GALNT17: variants seen among roughly 807,000 people sequenced by gnomAD.
GALNT17 encodes the protein polypeptide N-acetylgalactosaminyltransferase 17.
Under a neutral mutation model 63.7 loss-of-function variants are expected in GALNT17, and 29 were observed. The observed-to-expected ratio is 0.46, with a 90% confidence interval of 0.34 to 0.62. GALNT17 has a LOEUF of 0.62. Among genes scored for constraint, GALNT17 ranks in the 20% least tolerant of loss-of-function variants. GALNT17 has a pLI of 0.01. For missense variants in GALNT17, 603 were observed against 799.6 expected, an observed-to-expected ratio of 0.75 and a Z score of 2.97; for synonymous variants, 305 against 318.3, an observed-to-expected ratio of 0.96 and a Z score of 0.45.
chr7:71,359,754 T>C (rs1457136254), intron 2 of GALNT17, among the ~76,000 whole-genome samples: 2 of 152,102 alleles, frequency 1.3e-5, no homozygotes, highest in African/African-American at 4.8e-5. Flanking sequence ...CGGCTAATTT[T>C]TGTGCTTTTA....
intron 1 of GALNT17, among the ~76,000 whole-genome samples, chr7:71,235,777 G>A (rs1041019956): frequency 1.3e-5 from 2 of 152,142 alleles, no homozygotes; most frequent in African/African-American, 4.8e-5. Flanking sequence ...GAGGAAGGGG[G>A]TGCCCTTCTC....
intron 5 of GALNT17, among the ~76,000 whole-genome samples, chr7:71,505,283 T>G (rs1013316693): frequency 6.6e-6 from 1 of 152,062 alleles, no homozygotes; most frequent in Non-Finnish European, 1.5e-5. Flanking sequence ...TGCCAGTGAA[T>G]TACTTCTCAT....
chr7:71,522,242 C>T (rs566835284), intron 5 of GALNT17, among the ~76,000 whole-genome samples: 3 of 152,284 alleles, frequency 2.0e-5, no homozygotes, highest in East Asian at 1.9e-4. Flanking sequence ...CCCTCTTGAG[C>T]ATGGTTGGCC....
chr7:71,545,915 C>T (rs1788975746), intron 5 of GALNT17, among the ~76,000 whole-genome samples: 4 of 152,154 alleles, frequency 2.6e-5, no homozygotes, highest in Admixed American at 2.6e-4. Context: ...TCTGAGGCTA[C>T]TGTGCATGTA....
intron 5 of GALNT17, among the ~76,000 whole-genome samples, chr7:71,539,762 G>A (rs1019645022): frequency 3.7e-5 from 5 of 135,974 alleles, no homozygotes; most frequent in African/African-American, 5.8e-5. Context: ...TTGCCTGGGC[G>A]CATGATCACA....
At chr7:71,470,298 C>A (rs115897435) in intron 5 of GALNT17, among the ~76,000 whole-genome samples, 4 of 152,092 alleles carry the variant, frequency 2.6e-5, no homozygotes, top group African/African-American at 9.7e-5. Context: ...GTAAGAGACA[C>A]AATGTGTCTT....
chr7:71,675,404 G>A (rs1266033305), intron 8 of GALNT17, among the ~76,000 whole-genome samples: 1 of 152,124 alleles, frequency 6.6e-6, no homozygotes, highest in Non-Finnish European at 1.5e-5. Flanking sequence ...TAAAAGCCTG[G>A]CAGCCTCAAA....
At chr7:71,479,498 AT>A (rs1460761139) in intron 5 of GALNT17, among the ~76,000 whole-genome samples, 1 of 152,168 alleles carries the variant, frequency 6.6e-6, no homozygotes, top group Non-Finnish European at 1.5e-5. Flanking sequence ...AGGCAAGATA[AT>A]TTGTGGGCAA....
chr7:71,483,337 G>A (rs1291970861), intron 5 of GALNT17, among the ~76,000 whole-genome samples: 1 of 152,078 alleles, frequency 6.6e-6, no homozygotes, highest in Non-Finnish European at 1.5e-5. Context: ...TGGCGTGGTG[G>A]CAGGTGCCTG....
At chr7:71,259,643 T>TTG (rs1479836600) in intron 1 of GALNT17, among the ~76,000 whole-genome samples, 4 of 146,944 alleles carry the variant, frequency 2.7e-5, no homozygotes, top group African/African-American at 1.0e-4. Flanking sequence ...TTTTTGTTTT[T>TTG]TTGTTTTTTT....
chr7:71,590,645 G>T (rs1789783786), intron 6 of GALNT17, among the ~76,000 whole-genome samples: 1 of 152,256 alleles, frequency 6.6e-6, no homozygotes, highest in Admixed American at 6.5e-5. Flanking sequence ...GACTCAACCT[G>T]CCCCTATTCT....
chr7:71,634,753 CAAAAAAAAAA>C (rs35015537), intron 6 of GALNT17, among the ~76,000 whole-genome samples: 2 of 110,222 alleles, frequency 1.8e-5, no homozygotes, highest in Non-Finnish European at 3.8e-5. Flanking sequence ...GACTCCATCT[CAAAAAAAAAA>C]AAAAAGAAAA....
intron 3 of GALNT17, among the ~76,000 whole-genome samples, chr7:71,394,312 T>A (rs1414119740): frequency 6.6e-6 from 1 of 152,118 alleles, no homozygotes; most frequent in Non-Finnish European, 1.5e-5. Context: ...TCCATAAGAA[T>A]GGCACCAAGC....
At chr7:71,665,141 T>G (rs1790964878) in intron 6 of GALNT17, among the ~76,000 whole-genome samples, 1 of 152,132 alleles carries the variant, frequency 6.6e-6, no homozygotes, top group Non-Finnish European at 1.5e-5. Context: ...CATGCCTGGC[T>G]AACTTTTCTA....
At chr7:71,388,184 T>C in intron 2 of GALNT17, 51 bp from the exon 3 acceptor site, 5 of 1,569,970 alleles carry the variant, frequency 3.2e-6, no homozygotes, top group Non-Finnish European at 4.4e-6. Context: ...CTGCAGTGCC[T>C]GAGCTTTTAT....
At chr7:71,696,187 A>G (rs949153389) in intron 9 of GALNT17, among the ~76,000 whole-genome samples, 1 of 152,126 alleles carries the variant, frequency 6.6e-6, no homozygotes, top group Non-Finnish European at 1.5e-5. Context: ...GTCATAGTTC[A>G]CTGCAGCCTT....
intron 6 of GALNT17, among the ~76,000 whole-genome samples, chr7:71,589,502 T>C (rs1241577226): frequency 6.6e-6 from 1 of 151,884 alleles, no homozygotes; most frequent in African/African-American, 2.4e-5. Flanking sequence ...AGCCCATGAG[T>C]TTGAAGCTGC....
At chr7:71,447,974 C>T (rs1583961846) in intron 5 of GALNT17, among the ~76,000 whole-genome samples, 1 of 152,248 alleles carries the variant, frequency 6.6e-6, no homozygotes, top group East Asian at 1.9e-4. Context: ...TTCTGTGTCC[C>T]GGATCTCATG....
At chr7:71,489,322 A>T (rs972262481) in intron 5 of GALNT17, among the ~76,000 whole-genome samples, 8 of 152,064 alleles carry the variant, frequency 5.3e-5, no homozygotes, top group African/African-American at 1.7e-4. Flanking sequence ...CTTCATTCAC[A>T]CCCAGCTCTT....
Sources: allele counts gnomAD v4.1 joint callset (sites outside exome capture counted in the v4.1 genomes callset), GRCh38; gene constraint gnomAD v4.1.1; transcripts MANE v1.5; gene names NCBI Gene and HGNC (gene_info 2026-07-23, HGNC 2026-07-21).